IMPA2: variants seen among roughly 807,000 people sequenced by gnomAD.
IMPA2 encodes inositol monophosphatase 2.
A neutral mutation model predicts 35.1 loss-of-function variants in IMPA2; 32 were observed. The ratio of observed to expected loss-of-function variants is 0.91; its 90% CI spans 0.69 to 1.23. The LOEUF (loss-of-function observed/expected upper bound fraction) is 1.23. Ranked by LOEUF, IMPA2 falls within the 50% of genes most tolerant of loss-of-function variation. IMPA2 has a pLI of 0.00. For synonymous variants in IMPA2, 135 were observed against 160.6 expected (o/e 0.84, Z 1.20); for missense variants, 334 against 387.6 (o/e 0.86, Z 1.16).
chr18:11,987,858 C>G (rs951680055), intron 1 of IMPA2, among the ~76,000 whole-genome samples: 4 of 152,152 alleles, frequency 2.6e-5, no homozygotes, highest in Admixed American at 2.6e-4. Flanking sequence ...TGAGGGTTCC[C>G]TTTTCCCCAC....
intron 1 of IMPA2, among the ~76,000 whole-genome samples, chr18:11,986,183 A>C (rs1262659690): frequency 6.6e-6 from 1 of 152,184 alleles, no homozygotes; most frequent in Admixed American, 6.5e-5. Context: ...ACACCCTTGC[A>C]GGTTATGCTT....
At chr18:12,012,888 T>C (rs1907473522) in intron 4 of IMPA2, among the ~76,000 whole-genome samples, 1 of 152,256 alleles carries the variant, frequency 6.6e-6, no homozygotes, top group South Asian at 2.1e-4. Flanking sequence ...CAGCACAGAC[T>C]CCCTGGCAGG....
rs138667889 is a variant in IMPA2 at position 11,987,165 on chromosome 18, C to T, written c.96+5400C>T. On this transcript the variant is annotated intron_variant, in intron 1 of 7. Transcript: ENST00000269159. ...CTTATTAAGGCAAATGGGGTCCCAC[C>T]GCAGGGTTTCTCATTCACTAGGTCT... Among the ~76,000 whole-genome samples the T allele has an allele frequency of 5.5e-3, 838 of 152,222 alleles. 8 individuals are homozygous for T. The highest frequency in any genetic ancestry group is 0.019 in the African/African-American group (799 of 41,520).
At chr18:12,005,357 T>C (rs1245954904) in intron 2 of IMPA2, among the ~76,000 whole-genome samples, 1 of 152,148 alleles carries the variant, frequency 6.6e-6, no homozygotes, top group African/African-American at 2.4e-5. Flanking sequence ...TGGTGATGCA[T>C]GCCTGTGGTC....
At chr18:12,022,995 G>A (rs1394659255) in intron 5 of IMPA2, among the ~76,000 whole-genome samples, 3 of 118,358 alleles carry the variant, frequency 2.5e-5, no homozygotes, top group Admixed American at 1.2e-4. Flanking sequence ...GGGTTTCCCT[G>A]TGTTGGCCAG....
At chr18:11,983,791 CAG>C (rs1323184718) in intron 1 of IMPA2, among the ~76,000 whole-genome samples, 1 of 152,064 alleles carries the variant, frequency 6.6e-6, no homozygotes, top group African/African-American at 2.4e-5. Context: ...CTGGGACAAA[CAG>C]AAGCCACACG....
Position 12,029,008 on chromosome 18 carries a change from C to T in IMPA2, c.751+15C>T. On this transcript the variant is annotated intron_variant, in intron 7 of 7. Transcript: ENST00000269159. Reference sequence around the variant, plus strand: ...AGACACTTCGGGTGAGCTCTCCTGTCCCTGAAATGCAGCGGCAGAAACTAG... The same window carrying T: ...AGACACTTCGGGTGAGCTCTCCTGTTCCTGAAATGCAGCGGCAGAAACTAG... 1 of 1,610,116 alleles carries T rather than the reference C, an allele frequency of 6.2e-7. No homozygotes were observed. The highest frequency in any genetic ancestry group is 1.1e-5 in the South Asian group (1 of 90,774).
intron 5 of IMPA2, among the ~76,000 whole-genome samples, chr18:12,023,408 C>T (rs1294577720): frequency 6.6e-6 from 1 of 152,132 alleles, no homozygotes; most frequent in Non-Finnish European, 1.5e-5. Flanking sequence ...AGAGTGAGGA[C>T]CTGGTCACTG....
chr18:11,997,199 G>T (rs1053730925), intron 1 of IMPA2, among the ~76,000 whole-genome samples: 1 of 152,210 alleles, frequency 6.6e-6, no homozygotes, highest in Non-Finnish European at 1.5e-5. Context: ...CAGATGCTAC[G>T]GGAGCCACAT....
intron 5 of IMPA2, among the ~76,000 whole-genome samples, chr18:12,015,083 A>G (rs948255076): frequency 1.3e-5 from 2 of 152,234 alleles, no homozygotes; most frequent in African/African-American, 2.4e-5. Context: ...GAAGAATGCC[A>G]GACAAATGAG....
At chr18:12,009,555 C>T (rs1907374440) in intron 2 of IMPA2, among the ~76,000 whole-genome samples, 1 of 152,108 alleles carries the variant, frequency 6.6e-6, no homozygotes, top group Non-Finnish European at 1.5e-5. Flanking sequence ...AAGTTAAAAT[C>T]GAGTTTAGTT....
At chr18:12,017,755 AT>A (rs1218214092) in intron 5 of IMPA2, 11 of 327,408 alleles carry the variant, frequency 3.4e-5, no homozygotes, top group East Asian at 2.3e-4. Context: ...CATCTGGCTA[AT>A]TTTTTTGTAT....
chr18:11,990,832 C>G (rs1267507586), intron 1 of IMPA2, among the ~76,000 whole-genome samples: 1 of 152,206 alleles, frequency 6.6e-6, no homozygotes, highest in Non-Finnish European at 1.5e-5. Context: ...CTTCCCTATA[C>G]CTTACAGCTG....
chr18:12,012,029 G>A, intron 3 of IMPA2, 141 bp from the exon 4 acceptor site: 1 of 674,580 alleles, frequency 1.5e-6, no homozygotes, highest in Non-Finnish European at 2.7e-6. Context: ...TAGTGAAACT[G>A]TGGGAAGTAG....
chr18:11,992,662 T>A (rs911714504), intron 1 of IMPA2, among the ~76,000 whole-genome samples: 1 of 152,206 alleles, frequency 6.6e-6, no homozygotes, highest in Non-Finnish European at 1.5e-5. Context: ...GTCTGTGAAG[T>A]GCATGCTTAG....
chr18:11,993,813 G>A (rs1005509753), intron 1 of IMPA2, among the ~76,000 whole-genome samples: 1 of 152,192 alleles, frequency 6.6e-6, no homozygotes, highest in East Asian at 1.9e-4. Flanking sequence ...GGTACAGGAG[G>A]GAGGACACTC....
intron 4 of IMPA2, among the ~76,000 whole-genome samples, chr18:12,013,783 T>C (rs901285015): frequency 6.6e-6 from 1 of 152,236 alleles, no homozygotes. Context: ...GTCCCCAGTC[T>C]GCGGCGGTGC....
chr18:11,992,600 T>C (rs1460889085), intron 1 of IMPA2, among the ~76,000 whole-genome samples: 1 of 148,822 alleles, frequency 6.7e-6, no homozygotes, highest in Admixed American at 6.6e-5. Context: ...CCATATTTTA[T>C]ATGTTATACA....
intron 6 of IMPA2, chr18:12,028,398 G>T (rs538542003): frequency 4.4e-5 from 23 of 517,980 alleles, no homozygotes; most frequent in South Asian, 1.2e-4. Flanking sequence ...CTGACCTCAT[G>T]CTGCTCAACC....
Sources: allele counts gnomAD v4.1 joint callset (sites outside exome capture counted in the v4.1 genomes callset), GRCh38; gene constraint gnomAD v4.1.1; transcripts MANE v1.5; gene names NCBI Gene and HGNC (gene_info 2026-07-23, HGNC 2026-07-21).